Variants in KDM4A observed in about 807,000 individuals in gnomAD.
The protein encoded by KDM4A is lysine demethylase 4A.
In KDM4A, 23 loss-of-function variants were observed where a neutral mutation model predicts 127.1. The observed-to-expected ratio is 0.18, with a 90% CI of 0.13 to 0.26. The LOEUF (loss-of-function observed/expected upper bound fraction) is 0.26, where lower values mean the gene tolerates loss of function less well. KDM4A is among the 10% of genes least tolerant of loss of function. KDM4A has a pLI of 1.00. For synonymous variants in KDM4A, 443 were observed against 466.5 expected (o/e 0.95, Z 0.65); for missense variants, 890 against 1,329.1 (o/e 0.67, Z 5.14).
At chr1:43,687,187 C>A (rs1000393836) in intron 12 of KDM4A, among the ~76,000 whole-genome samples, 1 of 152,186 alleles carries the variant, frequency 6.6e-6, no homozygotes, top group African/African-American at 2.4e-5. Context: ...TAATTGTCTG[C>A]GTTGGTGTCC....
chr1:43,703,224 G>A (rs1661449122), intron 19 of KDM4A, among the ~76,000 whole-genome samples: 2 of 151,912 alleles, frequency 1.3e-5, no homozygotes, highest in African/African-American at 4.8e-5. Flanking sequence ...TTACAGGCAT[G>A]AGCCACCGTG....
Position 43,696,279 on chromosome 1 carries a change from A to G in KDM4A, c.2670+1385A>G, listed in dbSNP as rs149248552. ...ACTGGAGTGTCCCTGTGGAGTAGTC[A>G]GGTCAGAAGCCAGACCGTAGTTGGG... On this transcript the variant is annotated intron_variant, in intron 18 of 21. Coordinates refer to ENST00000372396, the MANE Select transcript of KDM4A (RefSeq NM_014663.3). Among the ~76,000 whole-genome samples, 599 of 152,314 alleles carry G rather than the reference A, an allele frequency of 3.9e-3. 4 individuals carry two copies. The highest frequency in any genetic ancestry group is 0.014 in the African/African-American group (566 of 41,566).
intron 8 of KDM4A, 114 bp downstream of exon 8, chr1:43,667,205 G>A: frequency 8.3e-7 from 1 of 1,198,870 alleles, no homozygotes; most frequent in Non-Finnish European, 1.2e-6. Context: ...TCAGAAACAA[G>A]CAGCTAGCAA....
chr1:43,668,122 GTTTTT>G (rs1383035676), intron 9 of KDM4A, 103 bp downstream of exon 9: 2 of 1,361,706 alleles, frequency 1.5e-6, no homozygotes, highest in African/African-American at 1.5e-5. Flanking sequence ...GTTTTGTTTT[GTTTTT>G]GTTTTTGTTT....
intron 18 of KDM4A, among the ~76,000 whole-genome samples, chr1:43,697,274 C>G (rs1661262780): frequency 6.6e-6 from 1 of 152,246 alleles, no homozygotes; most frequent in African/African-American, 2.4e-5. Context: ...CTTTGTGATC[C>G]TGTTTGCATC....
intron 6 of KDM4A, 114 bp from the exon 7 acceptor site, chr1:43,666,338 A>G (rs1000588862): frequency 1.2e-6 from 1 of 802,844 alleles, no homozygotes; most frequent in South Asian, 1.7e-5. Context: ...CAGAGGTCAC[A>G]TTGGTGATGC....
At chr1:43,671,991 G>A in intron 11 of KDM4A, 116 bp downstream of exon 11, 1 of 1,245,448 alleles carries the variant, frequency 8.0e-7, no homozygotes, top group Non-Finnish European at 1.1e-6. Flanking sequence ...CTGCAGGAGG[G>A]CAGGAGAGAC....
chr1:43,694,838 G>T lies in KDM4A; in HGVS notation c.2614G>T (p.Asp872Tyr). ...QAAGVMMQPD[D>Y]WPFVVFITCF... is the part of the protein sequence containing the mutation. ...TGCCGGTGTGATGATGCAGCCTGAC[G>T]ACTGGCCTTTTGTGGTCTTCATTAC... is the stretch of plus-strand genomic sequence containing the variant. Residue 872 changes from aspartate to tyrosine, a missense_variant, in exon 18 of 22, where the codon GAC (aspartate) becomes TAC (tyrosine). Physicochemically the swap from Asp to Tyr is radical, Grantham distance 160. Coordinates refer to ENST00000372396, the MANE Select transcript of KDM4A (RefSeq NM_014663.3). The surrounding 1 kb of genome is among the most constrained non-coding windows in gnomAD (Gnocchi z 5.2). 6.2e-7 allele frequency: 1 copy of T among 1,613,612 alleles called. No individual in the cohort carries two copies. The highest frequency in any genetic ancestry group is 1.1e-5 in the South Asian group (1 of 91,070).
chr1:43,680,712 T>C (rs1660838026), intron 11 of KDM4A, among the ~76,000 whole-genome samples: 1 of 152,258 alleles, frequency 6.6e-6, no homozygotes, highest in Non-Finnish European at 1.5e-5. Flanking sequence ...GGCAGCGGCA[T>C]CCAGCCAAGT....
At chr1:43,698,077 G>A (rs1661286738) in intron 19 of KDM4A, 64 bp downstream of exon 19, 5 of 1,530,742 alleles carry the variant, frequency 3.3e-6, no homozygotes, top group Non-Finnish European at 4.5e-6. Flanking sequence ...GGTCTGGCTG[G>A]CAGACTGTGT....
chr1:43,650,543 G>C (rs1349563834), intron 1 of KDM4A: 4 of 152,308 alleles, frequency 2.6e-5, no homozygotes, highest in Non-Finnish European at 5.9e-5. Flanking sequence ...GGCCGAACCT[G>C]TGCGCGGTGA....
intron 18 of KDM4A, among the ~76,000 whole-genome samples, chr1:43,695,911 A>T (rs1344661207): frequency 6.6e-6 from 1 of 152,158 alleles, no homozygotes; most frequent in Admixed American, 6.5e-5. Flanking sequence ...GATGGGAAGG[A>T]TGCTAATATG....
chr1:43,696,800 G>A (rs1353820570), intron 18 of KDM4A, among the ~76,000 whole-genome samples: 2 of 152,170 alleles, frequency 1.3e-5, no homozygotes, highest in African/African-American at 4.8e-5. Flanking sequence ...GAGGAAATTG[G>A]GGGGACTGAT....
In KDM4A at chr1:43,679,014, G is replaced by A. The variant is rs929658016; in HGVS notation, c.1735-4670G>A. On this transcript the variant is annotated intron_variant, in intron 11 of 21. Coordinates refer to ENST00000372396, the MANE Select transcript of KDM4A (RefSeq NM_014663.3). ...GGCCACTGTCACCAGAATGCAGATG[G>A]TTTTGAGGTGGGAGGAGATGGGGAA... Among the ~76,000 whole-genome samples the A allele has an allele frequency of 2.0e-5, 3 of 152,134 alleles. No individual in the cohort carries two copies. In the East Asian group the frequency reaches 5.8e-4, roughly 29 times the overall value.
intron 10 of KDM4A, among the ~76,000 whole-genome samples, chr1:43,671,262 T>C (rs1419011389): frequency 1.3e-5 from 2 of 152,186 alleles, no homozygotes; most frequent in Non-Finnish European, 2.9e-5. Flanking sequence ...CAGGCGGTGC[T>C]CAGGAGTCTT....
At position 43,669,203 on chromosome 1, in the gene KDM4A, G is replaced by A; in HGVS notation, c.1267G>A (p.Glu423Lys). The change falls in exon 10 of 22, where the codon GAG becomes AAG. Residue 423 changes from glutamate to lysine, a missense_variant. Glu to Lys is a moderately conservative substitution (Grantham distance 56). Transcript: ENST00000372396. ...CTTCCCCAAGGAGGATCTGAGTTCT[G>A]AGCAGTATGAGATGACGGAGTGCCC... is the stretch of plus-strand genomic sequence containing the variant. ...ELFPKEDLSS[E>K]QYEMTECPAA... 2 of 1,614,222 alleles carry A rather than the reference G, an allele frequency of 1.2e-6. No homozygotes were observed. The highest frequency in any genetic ancestry group is 1.7e-6 in the Non-Finnish European group (2 of 1,180,038).
At chr1:43,680,060 T>A (rs1316712054) in intron 11 of KDM4A, among the ~76,000 whole-genome samples, 1 of 152,168 alleles carries the variant, frequency 6.6e-6, no homozygotes, top group African/African-American at 2.4e-5. Flanking sequence ...TGAGGGAATT[T>A]AGAAACTGGA....
intron 3 of KDM4A, among the ~76,000 whole-genome samples, chr1:43,658,986 T>G (rs1038322171): frequency 4.6e-5 from 7 of 151,910 alleles, no homozygotes; most frequent in Middle Eastern, 6.8e-3. Context: ...AAATTTTCAG[T>G]ATTAAGCTAA....
chr1:43,672,517 C>CG lies in KDM4A; in HGVS notation c.1734+646dup, dbSNP rs1302298967. 3.1e-5 allele frequency among the ~76,000 whole-genome samples: 4 copies of CG among 129,380 alleles called. No homozygotes were observed. In the Admixed American group the frequency reaches 3.4e-4, roughly 11 times the overall value. 84.9% of individuals were successfully genotyped at this position (129,380 alleles called of 152,430 possible). ...TTTTTTTTTCTTTTTTTTTTTGAGA[C>CG]GGGGTCTCGCTCTGTTGCCCAGGCT... On this transcript the variant is annotated intron_variant, in intron 11 of 21. Transcript: ENST00000372396.
Sources: allele counts gnomAD v4.1 joint callset (sites outside exome capture counted in the v4.1 genomes callset), GRCh38; gene constraint gnomAD v4.1.1; non-coding constraint Gnocchi (gnomAD v3.1); transcripts MANE v1.5; gene names NCBI Gene and HGNC (gene_info 2026-07-23, HGNC 2026-07-21).